Variants in ALK observed in about 807,000 individuals in gnomAD.
ALK encodes the protein ALK receptor tyrosine kinase.
ALK carries 74 observed loss-of-function variants against 163.1 expected under a neutral mutation model. The observed-to-expected ratio is 0.45, with a 90% CI of 0.38 to 0.55. The LOEUF (loss-of-function observed/expected upper bound fraction) is 0.55, where lower values mean the gene tolerates loss of function less well. ALK is among the 20% of genes least tolerant of loss of function. The pLI is 0.00. For missense variants in ALK, 2,063 were observed against 2,105.3 expected (o/e 0.98, Z 0.39); for synonymous variants, 960 against 843.2 (o/e 1.14, Z -2.40).
In ALK at chr2:29,823,904, G is replaced by A. The variant is rs922980018; in HGVS notation, c.667+96089C>T. On this transcript the variant is annotated intron_variant, in intron 1 of 28. Transcript: ENST00000389048. Reference sequence around the variant, plus strand: ...TTGCATATTAATCCCCAAGACAATGGGGAAAATGTCTCCAGGGCATGTCAG... The same window carrying A: ...TTGCATATTAATCCCCAAGACAATGAGGAAAATGTCTCCAGGGCATGTCAG... Among the ~76,000 whole-genome samples the A allele has an allele frequency of 2.0e-5, 3 of 152,304 alleles. No homozygotes were observed. In the East Asian group the frequency reaches 5.8e-4, roughly 29 times the overall value.
At chr2:29,305,281 G>T (rs577006885) in intron 8 of ALK, among the ~76,000 whole-genome samples, 1 of 152,306 alleles carries the variant, frequency 6.6e-6, no homozygotes, top group South Asian at 2.1e-4. Flanking sequence ...ATCGCCTCTA[G>T]AAAAAGACTG....
rs995078092 is a variant in ALK, at chr2:29,719,372, T to G, written c.668-1675A>C. ...CTCAGAGGAAATGCACTGAAAGGGG[T>G]GAGAGTCTGTGTTTGTGAGTTGCAG... On this transcript the variant is annotated intron_variant, in intron 1 of 28. Transcript: ENST00000389048. 2.0e-5 allele frequency among the ~76,000 whole-genome samples: 3 copies of G among 152,254 alleles called. No individual in the cohort carries two copies. In the Middle Eastern group the frequency reaches 0.01, roughly 518 times the overall value.
chr2:29,651,071 T>C (rs1216384351), intron 3 of ALK, among the ~76,000 whole-genome samples: 1 of 152,036 alleles, frequency 6.6e-6, no homozygotes, highest in Non-Finnish European at 1.5e-5. Context: ...GAAGCCGATA[T>C]GGGTGTTTGC....
In ALK at chr2:29,226,956, C is replaced by A. The variant is rs2148178391; in HGVS notation, c.3033G>T (p.Gly1011=). Residue 1011 remains glycine (G), a synonymous_variant, in exon 18 of 29, where the codon GGG becomes GGT. Transcript: ENST00000389048. ...SHKVICFCDH[G]TVLAEDGVSC... ...AGACGCCATCCTCAGCCAGCACCGT[C>A]CCGTGGTCACAGAAGCAGATGACCT... 1 of 1,614,218 alleles carries A rather than the reference C, an allele frequency of 6.2e-7. No homozygotes were observed. The highest frequency in any genetic ancestry group is 2.2e-5 in the East Asian group (1 of 44,884).
Position 29,472,833 on chromosome 2 carries a change from T to TA in ALK, c.1154+59081dup, listed in dbSNP as rs1296186013. On this transcript the variant is annotated intron_variant, in intron 4 of 28. Transcript: ENST00000389048. ...ATATTGGCAAGAATACAAAGAAAACTAAAAACAATTACCTGGAGAAATTAA... is the reference window on the plus strand; with the variant it reads ...ATATTGGCAAGAATACAAAGAAAACTAAAAAACAATTACCTGGAGAAATTAA... 4.0e-5 allele frequency among the ~76,000 whole-genome samples: 6 copies of TA among 150,758 alleles called. No homozygotes were observed. In the South Asian group the frequency reaches 8.6e-4, roughly 22 times the overall value.
chr2:29,544,738 G>A (rs1159521646), intron 3 of ALK, among the ~76,000 whole-genome samples: 5 of 151,792 alleles, frequency 3.3e-5, no homozygotes, highest in African/African-American at 9.7e-5. Context: ...GCAGAATCAC[G>A]CTCCTGGAAA....
At chr2:29,559,818 A>G (rs1248639912) in intron 3 of ALK, among the ~76,000 whole-genome samples, 4 of 136,362 alleles carry the variant, frequency 2.9e-5, no homozygotes, top group Non-Finnish European at 6.5e-5. Flanking sequence ...TTCACACATT[A>G]TCCTGACTTG....
At chr2:29,807,134 C>G (rs903192466) in intron 1 of ALK, among the ~76,000 whole-genome samples, 4 of 152,188 alleles carry the variant, frequency 2.6e-5, no homozygotes, top group Non-Finnish European at 5.9e-5. Flanking sequence ...TGCCTTGAGT[C>G]TTTATGGCAA....
intron 4 of ALK, among the ~76,000 whole-genome samples, chr2:29,526,930 C>G (rs1352546488): frequency 6.6e-6 from 1 of 152,214 alleles, no homozygotes; most frequent in African/African-American, 2.4e-5. Context: ...AGCCAGGGTT[C>G]TGTGCATTAG....
At position 29,232,943 on chromosome 2, in the gene ALK, C is replaced by A. The variant is rs114410198; in HGVS notation, c.2488-495G>T. Reference sequence around the variant, plus strand: ...CCTCTGTCTTCAGTTTCTGGCCTGGCTGTGATGATGTCAGCAAAGTCCACC... The same window carrying A: ...CCTCTGTCTTCAGTTTCTGGCCTGGATGTGATGATGTCAGCAAAGTCCACC... On this transcript the variant is annotated intron_variant, in intron 14 of 28. Transcript: ENST00000389048. Among the ~76,000 whole-genome samples the A allele has an allele frequency of 6.8e-3, 1,032 of 152,278 alleles. 18 individuals are homozygous for A. Among genetic ancestry groups the A allele is most frequent in the African/African-American group, 0.024 (998 of 41,550 alleles).
intron 24 of ALK, among the ~76,000 whole-genome samples, chr2:29,212,710 C>CTT (rs59049700): frequency 6.6e-6 from 1 of 150,472 alleles, no homozygotes; most frequent in African/African-American, 2.4e-5. Flanking sequence ...TTTGTTTTTT[C>CTT]TTTTTTTTTC....
At chr2:29,370,332 T>C (rs1052727352) in intron 5 of ALK, among the ~76,000 whole-genome samples, 2 of 151,366 alleles carry the variant, frequency 1.3e-5, no homozygotes, top group African/African-American at 4.9e-5. Context: ...TAAGGGAGAG[T>C]TCTGTGGTTG....
intron 5 of ALK, among the ~76,000 whole-genome samples, chr2:29,377,162 A>G (rs1668772246): frequency 6.6e-6 from 1 of 152,166 alleles, no homozygotes; most frequent in African/African-American, 2.4e-5. Flanking sequence ...ATCTAGGACC[A>G]GACCATAAAA....
intron 1 of ALK, among the ~76,000 whole-genome samples, chr2:29,887,708 A>G (rs1667020258): frequency 6.6e-6 from 1 of 152,156 alleles, no homozygotes; most frequent in Non-Finnish European, 1.5e-5. Flanking sequence ...TGGACATTTT[A>G]AAAGTCACAC....
intron 4 of ALK, among the ~76,000 whole-genome samples, chr2:29,512,810 C>A (rs1297678120): frequency 3.3e-5 from 5 of 150,536 alleles, no homozygotes; most frequent in African/African-American, 9.8e-5. Flanking sequence ...TCTCAGGATA[C>A]AAAATCAATG....
At chr2:29,234,647 G>A (rs1664320905) in intron 13 of ALK, among the ~76,000 whole-genome samples, 1 of 152,114 alleles carries the variant, frequency 6.6e-6, no homozygotes, top group Non-Finnish European at 1.5e-5. Flanking sequence ...TTCCAGTGTG[G>A]CTGCGAATGA....
chr2:29,384,236 G>A (rs1668976347), intron 4 of ALK, among the ~76,000 whole-genome samples: 1 of 152,144 alleles, frequency 6.6e-6, no homozygotes, highest in South Asian at 2.1e-4. Flanking sequence ...TTCAAAACAT[G>A]TATCACTCTA....
intron 3 of ALK, among the ~76,000 whole-genome samples, chr2:29,667,023 T>C (rs1677533353): frequency 6.6e-6 from 1 of 152,152 alleles, no homozygotes; most frequent in Non-Finnish European, 1.5e-5. Flanking sequence ...CAGGATTTTA[T>C]TCTTTCTTAT....
intron 1 of ALK, among the ~76,000 whole-genome samples, chr2:29,782,639 T>A (rs963212588): frequency 6.6e-6 from 1 of 152,136 alleles, no homozygotes; most frequent in Non-Finnish European, 1.5e-5. Context: ...TCCCAGGGAA[T>A]ACCTTTAGGA....
Sources: gnomAD v4.1 joint callset for allele counts (sites outside exome capture counted in the v4.1 genomes callset) on GRCh38, gnomAD v4.1.1 for gene constraint, MANE v1.5 for transcripts, NCBI Gene and HGNC (gene_info 2026-07-23, HGNC 2026-07-21) for gene names.